Variants in MLLT3 observed in about 807,000 individuals in gnomAD.
MLLT3 encodes the protein MLLT3 super elongation complex subunit.
Under a neutral mutation model 53.2 loss-of-function variants are expected in MLLT3, and 4 were observed. The ratio of observed to expected loss-of-function variants is 0.08; its 90% CI spans 0.04 to 0.17. MLLT3 has a LOEUF of 0.17. Among genes scored for constraint, MLLT3 ranks in the 10% least tolerant of loss-of-function variants. The probability of loss-of-function intolerance (pLI) is 1.00; values close to 1 mark genes in which losing one functional copy is unlikely to be tolerated. For missense variants in MLLT3, 569 were observed against 684.0 expected, an observed-to-expected ratio of 0.83 and a Z score of 1.87; for synonymous variants, 283 against 230.6, an observed-to-expected ratio of 1.23 and a Z score of -2.06.
At chr9:20,433,290 C>T (rs1026975801) in intron 4 of MLLT3, among the ~76,000 whole-genome samples, 10 of 151,948 alleles carry the variant, frequency 6.6e-5, no homozygotes, top group African/African-American at 2.4e-4. Context: ...AAAGGGGCTC[C>T]CACTGGCCAA....
At chr9:20,392,638 G>C (rs966166360) in intron 5 of MLLT3, among the ~76,000 whole-genome samples, 4 of 152,006 alleles carry the variant, frequency 2.6e-5, no homozygotes, top group African/African-American at 9.7e-5. Flanking sequence ...TTATAATTCT[G>C]GGGTTAATGA....
intron 2 of MLLT3, among the ~76,000 whole-genome samples, chr9:20,564,208 A>G (rs1346484239): frequency 6.6e-6 from 1 of 152,138 alleles, no homozygotes; most frequent in Admixed American, 6.5e-5. Flanking sequence ...GCAGTTACTC[A>G]GTGTAAAATG....
intron 2 of MLLT3, among the ~76,000 whole-genome samples, chr9:20,503,485 C>A (rs1825299514): frequency 6.6e-6 from 1 of 152,092 alleles, no homozygotes; most frequent in African/African-American, 2.4e-5. Flanking sequence ...GAAAACTGGA[C>A]ACCACACACA....
chr9:20,489,424 T>C (rs1383460695), intron 2 of MLLT3, among the ~76,000 whole-genome samples: 1 of 152,178 alleles, frequency 6.6e-6, no homozygotes, highest in Admixed American at 6.5e-5. Flanking sequence ...ACAAAATCAT[T>C]AAAGGGAGAT....
chr9:20,478,907 G>A (rs900823437), intron 2 of MLLT3, among the ~76,000 whole-genome samples: 4 of 152,072 alleles, frequency 2.6e-5, no homozygotes, highest in African/African-American at 7.2e-5. Flanking sequence ...ACTTCAACAC[G>A]GAATTTTCCA....
rs150817969 is a variant in MLLT3 at position 20,344,038 on chromosome 9, T to C, written c.*2405A>G. On this transcript the variant is annotated 3_prime_UTR_variant, in exon 11 of 11. Coordinates refer to ENST00000380338, the MANE Select transcript of MLLT3 (RefSeq NM_004529.4). ...CTTTGCTATCTTGATGAGTAGAAGA[T>C]GGATAAGTTTTTCTGAACTTTATCA... 15 of 201,996 alleles carry C rather than the reference T, an allele frequency of 7.4e-5. No homozygotes were observed. In the East Asian group the frequency reaches 1.0e-3, roughly 14 times the overall value. The allele number at this position is 201,996 out of a possible 1,614,324, so 12.5% of individuals were successfully genotyped here.
At chr9:20,393,067 A>G (rs1292208370) in intron 5 of MLLT3, among the ~76,000 whole-genome samples, 1 of 152,176 alleles carries the variant, frequency 6.6e-6, no homozygotes, top group Non-Finnish European at 1.5e-5. Flanking sequence ...AGGCAGGAGA[A>G]TTGATTGAAC....
intron 5 of MLLT3, chr9:20,410,612 T>C (rs1822704110): frequency 6.6e-6 from 1 of 152,070 alleles, no homozygotes; most frequent in Admixed American, 6.5e-5. Flanking sequence ...CAGCCAGACA[T>C]ACAAACCATG....
chr9:20,609,758 T>G (rs1820653919), intron 2 of MLLT3, among the ~76,000 whole-genome samples: 1 of 152,122 alleles, frequency 6.6e-6, no homozygotes, highest in African/African-American at 2.4e-5. Context: ...TTTGGTGAAT[T>G]ACTCATGTTA....
intron 2 of MLLT3, among the ~76,000 whole-genome samples, chr9:20,584,482 C>T (rs1259764716): frequency 6.6e-6 from 1 of 152,082 alleles, no homozygotes; most frequent in East Asian, 1.9e-4. Flanking sequence ...AAAGACATAC[C>T]CATTTCACGC....
At chr9:20,426,713 T>C (rs1823146951) in intron 4 of MLLT3, among the ~76,000 whole-genome samples, 1 of 152,126 alleles carries the variant, frequency 6.6e-6, no homozygotes, top group Non-Finnish European at 1.5e-5. Flanking sequence ...GTGGACTCTT[T>C]GGGAGTTCTT....
At chr9:20,528,163 C>G (rs1818247635) in intron 2 of MLLT3, among the ~76,000 whole-genome samples, 1 of 152,154 alleles carries the variant, frequency 6.6e-6, no homozygotes, top group South Asian at 2.1e-4. Flanking sequence ...GGTTAAAGAC[C>G]CATCCTAATG....
At chr9:20,356,278 T>C (rs889718699) in intron 8 of MLLT3, among the ~76,000 whole-genome samples, 2 of 152,132 alleles carry the variant, frequency 1.3e-5, no homozygotes, top group Non-Finnish European at 2.9e-5. Context: ...GATAACCAAA[T>C]GACTAATTTG....
intron 2 of MLLT3, among the ~76,000 whole-genome samples, chr9:20,553,676 T>TC (rs1019545998): frequency 6.6e-6 from 1 of 152,128 alleles, no homozygotes; most frequent in African/African-American, 2.4e-5. Context: ...TCACTGGACT[T>TC]CCCCCAAAAG....
At chr9:20,383,516 T>C (rs1384119466) in intron 5 of MLLT3, among the ~76,000 whole-genome samples, 1 of 151,856 alleles carries the variant, frequency 6.6e-6, no homozygotes, top group African/African-American at 2.4e-5. Flanking sequence ...TCATTTCTAA[T>C]GGGGAAACAT....
intron 4 of MLLT3, among the ~76,000 whole-genome samples, chr9:20,426,726 T>A (rs758883287): frequency 4.6e-5 from 7 of 152,112 alleles, no homozygotes; most frequent in Non-Finnish European, 8.8e-5. Flanking sequence ...GAGTTCTTAC[T>A]ATGATACAAC....
chr9:20,398,260 G>GT (rs1822370278), intron 5 of MLLT3, among the ~76,000 whole-genome samples: 1 of 151,828 alleles, frequency 6.6e-6, no homozygotes, highest in Non-Finnish European at 1.5e-5. Flanking sequence ...TTATTTTTTA[G>GT]TTTTTTTAGA....
chr9:20,548,755 C>T (rs10811364), intron 2 of MLLT3, among the ~76,000 whole-genome samples: 63,777 of 151,980 alleles, frequency 0.42, 13,982 homozygotes, highest in South Asian at 0.51. Context: ...CTTTGAAAGA[C>T]TGATGGGCAA....
Position 20,350,765 on chromosome 9 carries a change from T to C in MLLT3, c.1575+2760A>G, listed in dbSNP as rs181075979. 5.8e-4 allele frequency among the ~76,000 whole-genome samples: 88 copies of C among 152,302 alleles called. No individual in the cohort carries two copies. In the East Asian group the frequency reaches 0.015, roughly 26 times the overall value. ...AAGCGGTACTACGCAGGCTGTTGGATGTCTCATTTTGTTTTAAACAGGGTA... is the reference window on the plus strand; with the variant it reads ...AAGCGGTACTACGCAGGCTGTTGGACGTCTCATTTTGTTTTAAACAGGGTA... On this transcript the variant is annotated intron_variant, in intron 10 of 10. Coordinates refer to ENST00000380338, the MANE Select transcript of MLLT3 (RefSeq NM_004529.4).
Sources: gnomAD v4.1 joint callset for allele counts (sites outside exome capture counted in the v4.1 genomes callset) on GRCh38, gnomAD v4.1.1 for gene constraint, MANE v1.5 for transcripts, NCBI Gene and HGNC (gene_info 2026-07-23, HGNC 2026-07-21) for gene names.